TBC1D14: variants seen among roughly 807,000 people sequenced by gnomAD.
TBC1D14 encodes TBC1 domain family member 14, also known as TBC1 domain family, member 14.
A neutral mutation model predicts 79.0 loss-of-function variants in TBC1D14; 26 were observed. The ratio of observed to expected loss-of-function variants is 0.33; its 90% CI spans 0.24 to 0.46. TBC1D14 has a LOEUF of 0.46. Ranked by LOEUF, TBC1D14 falls within the 20% of genes least tolerant of loss-of-function variation. TBC1D14 has a pLI of 1.00. For missense variants in TBC1D14, 769 were observed against 887.6 expected, an observed-to-expected ratio of 0.87 and a Z score of 1.70; for synonymous variants, 394 against 349.9, an observed-to-expected ratio of 1.13 and a Z score of -1.40.
chr4:6,928,390 T>C (rs1724452954), intron 2 of TBC1D14, among the ~76,000 whole-genome samples: 1 of 152,214 alleles, frequency 6.6e-6, no homozygotes, highest in Non-Finnish European at 1.5e-5. Context: ...AGAAGAATAT[T>C]GGTGGTTGAG....
At chr4:6,987,166 G>T in intron 3 of TBC1D14, 1 of 1,194,612 alleles carries the variant, frequency 8.4e-7, no homozygotes, top group Non-Finnish European at 1.0e-6. Flanking sequence ...AGCCGGCAGC[G>T]CGGATCGCCT....
intron 3 of TBC1D14, among the ~76,000 whole-genome samples, chr4:6,979,201 G>A (rs971580800): frequency 5.9e-5 from 9 of 151,932 alleles, no homozygotes; most frequent in African/African-American, 2.2e-4. Context: ...AGACATGGAG[G>A]AAGAAAAAAA....
chr4:6,916,587 C>T lies in TBC1D14; in HGVS notation c.-18+6636C>T, dbSNP rs192583149. ...CAGAGTCACTAGCAGAGCCACCCTC[C>T]GCTTTCTGACTTGTATTGAAGTGAA... On this transcript the variant is annotated intron_variant, in intron 1 of 13. Coordinates refer to ENST00000409757, the MANE Select transcript of TBC1D14 (RefSeq NM_020773.3). 4.3e-4 allele frequency among the ~76,000 whole-genome samples: 66 copies of T among 152,320 alleles called. 1 individual carries two copies. The East Asian group carries it at 0.01, about 24-fold the overall frequency.
intron 3 of TBC1D14, among the ~76,000 whole-genome samples, chr4:6,984,628 G>GC (rs1717656335): frequency 6.6e-6 from 1 of 152,186 alleles, no homozygotes; most frequent in Non-Finnish European, 1.5e-5. Flanking sequence ...AGACTTCACA[G>GC]CCCCCGTTAC....
At chr4:7,013,265 G>T (rs1462160412) in intron 11 of TBC1D14, among the ~76,000 whole-genome samples, 1 of 152,244 alleles carries the variant, frequency 6.6e-6, no homozygotes, top group Non-Finnish European at 1.5e-5. Context: ...CGTGCCAGCA[G>T]CACCTGCCCC....
intron 2 of TBC1D14, among the ~76,000 whole-genome samples, chr4:6,959,795 C>T (rs1013309421): frequency 1.3e-5 from 2 of 152,210 alleles, no homozygotes; most frequent in Non-Finnish European, 2.9e-5. Flanking sequence ...CTTGCTGTCA[C>T]TTCCTACCTA....
chr4:7,007,431 C>G, intron 9 of TBC1D14: 6 of 718,978 alleles, frequency 8.3e-6, no homozygotes, highest in Non-Finnish European at 1.2e-5. Context: ...CTTTTGATCC[C>G]TTTCTTATCT....
At chr4:7,022,811 C>T (rs1008069785) in intron 12 of TBC1D14, among the ~76,000 whole-genome samples, 1 of 151,796 alleles carries the variant, frequency 6.6e-6, no homozygotes, top group African/African-American at 2.4e-5. Flanking sequence ...ACATAAATCT[C>T]AGCTTAAGAA....
At chr4:6,930,317 T>C (rs1417881242) in intron 2 of TBC1D14, among the ~76,000 whole-genome samples, 3 of 152,168 alleles carry the variant, frequency 2.0e-5, no homozygotes, top group African/African-American at 7.2e-5. Context: ...GGAGTGAGGC[T>C]GGAGTCAGCC....
intron 8 of TBC1D14, among the ~76,000 whole-genome samples, chr4:7,006,345 A>T (rs1326833844): frequency 6.6e-6 from 1 of 152,004 alleles, no homozygotes; most frequent in African/African-American, 2.4e-5. Context: ...CTTGCTTTCC[A>T]CTGATTGTTA....
At chr4:6,975,943 A>G (rs973043675) in intron 3 of TBC1D14, among the ~76,000 whole-genome samples, 1 of 152,074 alleles carries the variant, frequency 6.6e-6, no homozygotes, top group African/African-American at 2.4e-5. Flanking sequence ...AAATACAAAA[A>G]TTAACCAGGT....
intron 3 of TBC1D14, among the ~76,000 whole-genome samples, chr4:6,989,015 C>T (rs1718201053): frequency 6.6e-6 from 1 of 151,534 alleles, no homozygotes; most frequent in Non-Finnish European, 1.5e-5. Flanking sequence ...GTTGGGACCA[C>T]AGGCACAGCA....
intron 2 of TBC1D14, among the ~76,000 whole-genome samples, chr4:6,952,742 G>T (rs1348351090): frequency 6.6e-6 from 1 of 152,196 alleles, no homozygotes; most frequent in Non-Finnish European, 1.5e-5. Context: ...GCTTGAGGAG[G>T]ATGATTCTGC....
chr4:7,031,839 G>C lies in TBC1D14; in HGVS notation c.*1447G>C, dbSNP rs1024480371. Reference sequence around the variant, plus strand: ...GATCTCATTTCTGATGTTGAGGGCTGTTTGGCTCTGTCTGTATAGCTTGTA... The same window carrying C: ...GATCTCATTTCTGATGTTGAGGGCTCTTTGGCTCTGTCTGTATAGCTTGTA... On this transcript the variant is annotated 3_prime_UTR_variant, in exon 14 of 14. Transcript: ENST00000409757. 2 of 152,326 alleles carry C rather than the reference G, an allele frequency of 1.3e-5. No individual in the cohort carries two copies. Among genetic ancestry groups the C allele is most frequent in the African/African-American group, 4.8e-5 (2 of 41,450 alleles). The allele number at this position is 152,326 out of a possible 1,614,324, so 9.4% of individuals were successfully genotyped here.
chr4:6,965,989 AT>A (rs1715667825), intron 2 of TBC1D14, among the ~76,000 whole-genome samples: 1 of 152,210 alleles, frequency 6.6e-6, no homozygotes, highest in Non-Finnish European at 1.5e-5. Context: ...TCTGTTGATC[AT>A]TTCCTAGCTC....
chr4:6,937,231 A>G (rs1712424550), intron 2 of TBC1D14, among the ~76,000 whole-genome samples: 1 of 152,242 alleles, frequency 6.6e-6, no homozygotes, highest in African/African-American at 2.4e-5. Flanking sequence ...TAAAAATTTT[A>G]AACATAATAT....
chr4:6,917,512 C>T lies in TBC1D14; in HGVS notation c.-17-5861C>T, dbSNP rs113257033. On this transcript the variant is annotated intron_variant, in intron 1 of 13. Coordinates refer to ENST00000409757, the MANE Select transcript of TBC1D14 (RefSeq NM_020773.3). ...AATTGAGTGTCTCCTTGTGCCACAC[C>T]CTACTGGGACTCTGAGGCCCCGATG... Among the ~76,000 whole-genome samples the T allele has an allele frequency of 3.4e-3, 523 of 152,106 alleles. 2 individuals are homozygous for T. The highest frequency in any genetic ancestry group is 0.012 in the African/African-American group (493 of 41,472).
chr4:7,020,902 T>C (rs1462164585), intron 12 of TBC1D14, among the ~76,000 whole-genome samples: 1 of 152,162 alleles, frequency 6.6e-6, no homozygotes. Flanking sequence ...CTCTGTAAAA[T>C]GGAAAAGACG....
intron 2 of TBC1D14, among the ~76,000 whole-genome samples, chr4:6,957,082 C>T (rs1256225095): frequency 6.6e-6 from 1 of 152,166 alleles, no homozygotes; most frequent in Admixed American, 6.5e-5. Context: ...GCTGTGTGCT[C>T]CTCTTGAGGG....
Sources: allele counts gnomAD v4.1 joint callset (sites outside exome capture counted in the v4.1 genomes callset), GRCh38; gene constraint gnomAD v4.1.1; transcripts MANE v1.5; gene names NCBI Gene and HGNC (gene_info 2026-07-23, HGNC 2026-07-21).